The following ERBB3 variants were observed in gnomAD, a reference collection of about 807,000 sequenced individuals.
ERBB3 encodes erb-b2 receptor tyrosine kinase 3, also known as receptor tyrosine-protein kinase erbB-3.
A neutral mutation model predicts 156.7 loss-of-function variants in ERBB3; 96 were observed. The ratio of observed to expected loss-of-function variants is 0.61; its 90% CI spans 0.52 to 0.73. The LOEUF is 0.73. Ranked by LOEUF, ERBB3 falls within the 30% of genes least tolerant of loss-of-function variation. The pLI, the probability that ERBB3 is intolerant of heterozygous loss-of-function variation, is 0.00. For missense variants in ERBB3, 1,406 were observed against 1,709.4 expected (o/e 0.82, Z 3.13); for synonymous variants, 567 against 632.0 (o/e 0.90, Z 1.54).
At chr12:56,093,654 C>T in intron 12 of ERBB3, 104 bp downstream of exon 12, 1 of 1,567,094 alleles carries the variant, frequency 6.4e-7, no homozygotes, top group Non-Finnish European at 8.7e-7. Context: ...AGGGATGGAA[C>T]CAAGGAGAAG....
In ERBB3 at chr12:56,093,441, T is replaced by C. The variant is rs1400691766; in HGVS notation, c.1371T>C (p.Ser457=). 1.2e-6 allele frequency: 2 copies of C among 1,613,922 alleles called. No homozygotes were observed. Among genetic ancestry groups the C allele is most frequent in the Non-Finnish European group, 1.7e-6 (2 of 1,179,988 alleles). ...KEISAGRIYI[S]ANRQLCYHHS... is the part of the protein sequence containing the mutation. ...TTAGTGCTGGGCGTATCTATATAAG[T>C]GCCAATAGGCAGCTCTGCTACCACC... Residue 457 remains serine (S), a synonymous_variant, in exon 12 of 28, where the codon AGT becomes AGC. Coordinates refer to ENST00000267101, the MANE Select transcript of ERBB3 (RefSeq NM_001982.4).
rs35961836 is a variant in ERBB3, at chr12:56,096,597, C to T, written c.2150C>T (p.Ser717Leu). 478 of 1,614,122 alleles carry T rather than the reference C, an allele frequency of 3.0e-4. No individual in the cohort carries two copies. The highest frequency in any genetic ancestry group is 4.8e-4 in the Admixed American group (29 of 59,994). The change falls in exon 18 of 28, where the codon TCG (serine) becomes TTG (leucine). Residue 717 changes from serine (S) to leucine (L), a missense_variant. By Grantham distance (145) the Ser-to-Leu change is moderately radical. Coordinates refer to ENST00000267101, the MANE Select transcript of ERBB3 (RefSeq NM_001982.4). ...CTAAGGAAGCTTAAAGTGCTTGGCT[C>T]GGGTGTCTTTGGAACTGTGCACAAA... Reference protein sequence around the residue: ...TELRKLKVLGSGVFGTVHKGV... With the variant: ...TELRKLKVLGLGVFGTVHKGV...
At chr12:56,098,945 CTTTTTTTTTCTTTT>C in intron 23 of ERBB3, 40 bp downstream of exon 23, 1 of 1,411,784 alleles carries the variant, frequency 7.1e-7, no homozygotes, top group Non-Finnish European at 9.6e-7. Flanking sequence ...CTCTTTTTTT[CTTTTTTTTTCTTTT>C]TTTTTTTTTT....
chr12:56,087,020 C>T (rs1868508446), intron 4 of ERBB3, among the ~76,000 whole-genome samples: 3 of 151,870 alleles, frequency 2.0e-5, no homozygotes, highest in African/African-American at 7.3e-5. Flanking sequence ...CACCTGTAAT[C>T]CCGGCTACTC....
In ERBB3 at chr12:56,084,830, A is replaced by G. The variant is rs74928813; in HGVS notation, c.235-165A>G. ...ACTATTGTACTCCAGCCTGGGCAAC[A>G]AGAGCGTAACTCCGTCTCAAATTTT... On this transcript the variant is annotated intron_variant, in intron 2 of 27. Coordinates refer to ENST00000267101, the MANE Select transcript of ERBB3 (RefSeq NM_001982.4). 0.021 allele frequency among the ~76,000 whole-genome samples: 3,258 copies of G among 152,262 alleles called. 125 individuals are homozygous for G. The highest frequency in any genetic ancestry group is 0.075 in the African/African-American group (3,095 of 41,526).
chr12:56,087,387 G>A (rs1868520763), intron 4 of ERBB3, among the ~76,000 whole-genome samples, 190 bp from the exon 5 acceptor site: 1 of 152,178 alleles, frequency 6.6e-6, no homozygotes, highest in Non-Finnish European at 1.5e-5. Context: ...GTGGTGTGGA[G>A]GCGTGGCCGC....
chr12:56,093,447 T>C lies in ERBB3; in HGVS notation c.1377T>C (p.Asn459=), dbSNP rs750292694. The change falls in exon 12 of 28, where the codon AAT becomes AAC. Residue 459 remains asparagine, a synonymous_variant. Transcript: ENST00000267101. ...ISAGRIYISA[N]RQLCYHHSLN... ...CTGGGCGTATCTATATAAGTGCCAATAGGCAGCTCTGCTACCACCACTCTT... is the reference window on the plus strand; with the variant it reads ...CTGGGCGTATCTATATAAGTGCCAACAGGCAGCTCTGCTACCACCACTCTT... 5.6e-6 allele frequency: 9 copies of C among 1,613,974 alleles called. No homozygotes were observed. The highest frequency in any genetic ancestry group is 1.1e-5 in the South Asian group (1 of 91,074).
chr12:56,084,612 A>AAAC (rs386376617), intron 2 of ERBB3, among the ~76,000 whole-genome samples: 1 of 150,962 alleles, frequency 6.6e-6, no homozygotes, highest in Non-Finnish European at 1.5e-5. Context: ...AAAAAAAAAA[A>AAAC]AGGCCAAGCT....
rs370849499 is a variant in ERBB3, at chr12:56,100,003, G to T, written c.3103G>T (p.Val1035Phe). 6.2e-7 allele frequency: 1 copy of T among 1,614,246 alleles called. No individual in the cohort carries two copies. Among genetic ancestry groups the T allele is most frequent in the Non-Finnish European group, 8.5e-7 (1 of 1,180,048 alleles). The change falls in exon 25 of 28, where the codon GTT (valine) becomes TTT (phenylalanine). Residue 1035 changes from valine to phenylalanine, a missense_variant. Coordinates refer to ENST00000267101, the MANE Select transcript of ERBB3 (RefSeq NM_001982.4). The stretch of plus-strand genomic sequence containing the variant: ...ACTGGGCTCCGCCCTCAGCCTACCA[G>T]TTGGAACACTTAATCGGCCACGTGG... ...TTLGSALSLP[V>F]GTLNRPRGSQ...
chr12:56,083,834 T>C lies in ERBB3; in HGVS notation c.166T>C (p.Cys56Arg). ...GACACTGTACAAGCTCTACGAGAGG[T>C]GTGAGGTGGTGATGGGGAACCTTGA... is the stretch of plus-strand genomic sequence containing the variant. ...YQTLYKLYER[C>R]EVVMGNLEIV... The change falls in exon 2 of 28, where the codon TGT becomes CGT. Residue 56 changes from cysteine (C) to arginine (R), a missense_variant. Cys to Arg is a radical substitution (Grantham distance 180). Transcript: ENST00000267101. 1 of 1,613,764 alleles carries C rather than the reference T, an allele frequency of 6.2e-7. No individual in the cohort carries two copies. The highest frequency in any genetic ancestry group is 8.5e-7 in the Non-Finnish European group (1 of 1,179,946).
intron 3 of ERBB3, 142 bp downstream of exon 3, chr12:56,085,323 C>A: frequency 1.3e-6 from 2 of 1,536,704 alleles, no homozygotes; most frequent in East Asian, 4.6e-5. Flanking sequence ...AGGTCCATTG[C>A]TCCCTAAGCA....
At chr12:56,087,526 A>T (rs1390453146) in intron 4 of ERBB3, 51 bp from the exon 5 acceptor site, 22 of 1,478,672 alleles carry the variant, frequency 1.5e-5, no homozygotes, top group Non-Finnish European at 1.9e-5. Context: ...TGATTAAAAC[A>T]AGCCTTTCTT....
Position 56,086,659 on chromosome 12 carries a change from A to G in ERBB3, c.547+3A>G, listed in dbSNP as rs1270877637. On this transcript the variant is annotated splice_donor_region_variant and intron_variant, in intron 4 of 27. Coordinates refer to ENST00000267101, the MANE Select transcript of ERBB3 (RefSeq NM_001982.4). Reference sequence around the variant, plus strand: ...GGTGAAGGACAATGGCAGAAGCTGTAAGTGGCCGTGATCAAGATTGCTCCC... The same window carrying G: ...GGTGAAGGACAATGGCAGAAGCTGTGAGTGGCCGTGATCAAGATTGCTCCC... 3.1e-6 allele frequency: 5 copies of G among 1,613,868 alleles called. No individual in the cohort carries two copies. Among genetic ancestry groups the G allele is most frequent in the Non-Finnish European group, 4.2e-6 (5 of 1,179,904 alleles).
intron 23 of ERBB3, 40 bp downstream of exon 23, chr12:56,098,945 C>CT (rs747048773): frequency 2.7e-4 from 380 of 1,410,188 alleles, no homozygotes; most frequent in East Asian, 3.6e-4. Flanking sequence ...CTCTTTTTTT[C>CT]TTTTTTTTTC....
At chr12:56,098,949 T>C (rs757581362) in intron 23 of ERBB3, 44 bp downstream of exon 23, 8 of 1,550,604 alleles carry the variant, frequency 5.2e-6, no homozygotes, top group Non-Finnish European at 7.0e-6. Flanking sequence ...TTTTTTCTTT[T>C]TTTTTCTTTT....
intron 11 of ERBB3, 60 bp downstream of exon 11, chr12:56,093,136 T>G: frequency 7.4e-7 from 1 of 1,352,630 alleles, no homozygotes; most frequent in Non-Finnish European, 1.1e-6. Flanking sequence ...GTCATAGGCA[T>G]TCTTTAGTAA....
chr12:56,083,548 G>A (rs2136785328), intron 1 of ERBB3: 2 of 635,046 alleles, frequency 3.1e-6, no homozygotes, highest in East Asian at 5.5e-5. Context: ...TTCATGGAAT[G>A]GTAAGGGGAT....
chr12:56,080,379 G>A lies in ERBB3; in HGVS notation c.79G>A (p.Ala27Thr), dbSNP rs771442726. The change falls in exon 1 of 28, where the codon GCA becomes ACA. Residue 27 changes from alanine (A) to threonine (T), a missense_variant. Physicochemically the swap from Ala to Thr is moderately conservative, Grantham distance 58 (BLOSUM62 0). Around this residue, in one of 3 missense-constraint regions of ERBB3, gnomAD observed 979 missense variants for 1,219.6 expected, o/e 0.80. Coordinates refer to ENST00000267101, the MANE Select transcript of ERBB3 (RefSeq NM_001982.4). Reference protein sequence around the residue: ...ARGSEVGNSQAVCPGTLNGLS... With the variant: ...ARGSEVGNSQTVCPGTLNGLS... ...GGGCTCCGAGGTGGGCAACTCTCAG[G>A]CAGGTAAGTGGCGCGAGAGCACCGG... 1 of 1,592,276 alleles carries A rather than the reference G, an allele frequency of 6.3e-7. No homozygotes were observed. The highest frequency in any genetic ancestry group is 1.7e-5 in the Admixed American group (1 of 57,262).
At chr12:56,098,970 TTGAGACA>T in intron 23 of ERBB3, 65 bp downstream of exon 23, 1 of 1,410,236 alleles carries the variant, frequency 7.1e-7, no homozygotes. Context: ...TTTTTTTTTT[TTGAGACA>T]GAGTCTCACA....
Sources: allele counts gnomAD v4.1 joint callset (sites outside exome capture counted in the v4.1 genomes callset), GRCh38; gene constraint gnomAD v4.1.1; regional missense constraint gnomAD v4.1.1; transcripts MANE v1.5; gene names NCBI Gene and HGNC (gene_info 2026-07-23, HGNC 2026-07-21).